Variants in PHF20L1 observed in about 807,000 individuals in gnomAD.
PHF20L1 encodes PHD finger protein 20 like 1, also known as PHD finger protein 20-like protein 1.
PHF20L1 carries 44 observed loss-of-function variants against 125.5 expected under a neutral mutation model. The observed-to-expected ratio is 0.35, with a 90% CI of 0.28 to 0.45. The LOEUF (loss-of-function observed/expected upper bound fraction) is 0.45, where lower values mean the gene tolerates loss of function less well. Ranked by LOEUF, PHF20L1 falls within the 20% of genes least tolerant of loss-of-function variation. The pLI, the probability that PHF20L1 is intolerant of heterozygous loss-of-function variation, is 1.00. For missense variants in PHF20L1, 1,012 were observed against 1,217.2 expected (o/e 0.83, Z 2.51); for synonymous variants, 380 against 403.1 (o/e 0.94, Z 0.69).
intron 15 of PHF20L1, among the ~76,000 whole-genome samples, chr8:132,833,474 C>G (rs941940887): frequency 6.6e-6 from 1 of 152,060 alleles, no homozygotes; most frequent in African/African-American, 2.4e-5. Flanking sequence ...TCTTCACCCC[C>G]GGTGAACCTT....
intron 10 of PHF20L1, chr8:132,816,377 G>C (rs981530815): frequency 6.6e-6 from 1 of 151,020 alleles, no homozygotes; most frequent in Non-Finnish European, 1.5e-5. Flanking sequence ...ACTCCATTTG[G>C]GGGGGATGAT....
intron 14 of PHF20L1, among the ~76,000 whole-genome samples, chr8:132,829,720 T>TAA (rs752688956): frequency 8.9e-4 from 135 of 152,224 alleles, no homozygotes; most frequent in Non-Finnish European, 5.4e-4. Flanking sequence ...ACTTATTTGT[T>TAA]AAGAGTGTAG....
intron 9 of PHF20L1, 107 bp downstream of exon 9, chr8:132,811,235 G>A: frequency 6.6e-7 from 1 of 1,519,330 alleles, no homozygotes; most frequent in Non-Finnish European, 8.8e-7. Flanking sequence ...TATGGGAATA[G>A]GAAGCTAATT....
intron 1 of PHF20L1, among the ~76,000 whole-genome samples, chr8:132,775,979 A>C (rs907408618): frequency 1.3e-5 from 2 of 151,862 alleles, no homozygotes; most frequent in African/African-American, 4.8e-5. Context: ...ATTGCTTTAC[A>C]TTGTCGGTCT....
intron 2 of PHF20L1, among the ~76,000 whole-genome samples, chr8:132,783,194 A>G (rs753289805): frequency 6.6e-6 from 1 of 152,206 alleles, no homozygotes; most frequent in Non-Finnish European, 1.5e-5. Flanking sequence ...CTTTTGGAAT[A>G]TTTCTATTTA....
chr8:132,781,507 C>T (rs1438555149), intron 2 of PHF20L1, among the ~76,000 whole-genome samples: 5 of 152,134 alleles, frequency 3.3e-5, no homozygotes, highest in Non-Finnish European at 5.9e-5. Flanking sequence ...CCGCTCGCTG[C>T]AACCTCCGCC....
chr8:132,825,211 G>A, intron 13 of PHF20L1, 53 bp from the exon 14 acceptor site: 1 of 1,585,416 alleles, frequency 6.3e-7, no homozygotes. Context: ...TAACCACAAA[G>A]GAACAACTCA....
chr8:132,825,522 T>C, intron 14 of PHF20L1, 151 bp downstream of exon 14: 1 of 587,544 alleles, frequency 1.7e-6, no homozygotes, highest in Non-Finnish European at 2.8e-6. Flanking sequence ...TGACATGAAA[T>C]TTCAAAAATA....
At position 132,836,883 on chromosome 8, in the gene PHF20L1, T is replaced by C. The variant is rs536268788; in HGVS notation, c.2091+162T>C. ...TAGTAATGATTAGGAGATTTCCTCA[T>C]TAAGTAAAGTAGACAATGTTCTTAT... On this transcript the variant is annotated intron_variant, in intron 16 of 20. Transcript: ENST00000395386. Among the ~76,000 whole-genome samples, 50 of 152,246 alleles carry C rather than the reference T, an allele frequency of 3.3e-4. 1 individual carries two copies. The South Asian group carries it at 0.01, about 31-fold the overall frequency.
intron 1 of PHF20L1, among the ~76,000 whole-genome samples, chr8:132,777,057 A>G (rs1005566565): frequency 2.6e-5 from 4 of 152,212 alleles, no homozygotes; most frequent in African/African-American, 7.2e-5. Context: ...TTTTATTATC[A>G]ATGTGGACAC....
chr8:132,829,581 T>C (rs1836549251), intron 14 of PHF20L1, among the ~76,000 whole-genome samples: 2 of 152,066 alleles, frequency 1.3e-5, no homozygotes, highest in Admixed American at 6.6e-5. Flanking sequence ...AAGACTGCTG[T>C]AATCTGACAG....
At chr8:132,812,901 T>C in intron 9 of PHF20L1, 1 of 979,964 alleles carries the variant, frequency 1.0e-6, no homozygotes, top group African/African-American at 1.7e-5. Flanking sequence ...TTTTAAAAAT[T>C]CAAACTGTGG....
At chr8:132,802,692 G>C (rs1317838492) in intron 6 of PHF20L1, among the ~76,000 whole-genome samples, 5 of 151,828 alleles carry the variant, frequency 3.3e-5, no homozygotes, top group African/African-American at 1.2e-4. Context: ...ATGAGAGAAA[G>C]AGTTAGAAAT....
chr8:132,776,484 A>G (rs1829786753), intron 1 of PHF20L1, among the ~76,000 whole-genome samples: 1 of 152,190 alleles, frequency 6.6e-6, no homozygotes, highest in African/African-American at 2.4e-5. Flanking sequence ...TGCACCAGCT[A>G]CACCCTGGGC....
intron 15 of PHF20L1, among the ~76,000 whole-genome samples, chr8:132,833,491 A>G (rs922097788): frequency 8.5e-5 from 13 of 152,094 alleles, no homozygotes; most frequent in African/African-American, 2.9e-4. Flanking sequence ...CCTTACAATC[A>G]TTGCTGCGGT....
intron 19 of PHF20L1, chr8:132,843,330 A>G (rs1838117754): frequency 1.0e-6 from 1 of 982,728 alleles, no homozygotes; most frequent in Non-Finnish European, 1.2e-6. Context: ...GTGAATTCTG[A>G]CAGATCTATG....
intron 2 of PHF20L1, among the ~76,000 whole-genome samples, chr8:132,789,878 T>G (rs1831474404): frequency 6.6e-6 from 1 of 152,182 alleles, no homozygotes; most frequent in South Asian, 2.1e-4. Context: ...TGAAGTTGCC[T>G]TCTCTCCATC....
At chr8:132,836,936 T>C (rs1474612620) in intron 16 of PHF20L1, among the ~76,000 whole-genome samples, 2 of 152,142 alleles carry the variant, frequency 1.3e-5, no homozygotes, top group African/African-American at 2.4e-5. Context: ...TTTTCTAGGG[T>C]ATGTAGTTCA....
intron 2 of PHF20L1, among the ~76,000 whole-genome samples, chr8:132,787,764 T>G (rs1402076686): frequency 6.6e-6 from 1 of 152,134 alleles, no homozygotes; most frequent in Admixed American, 6.6e-5. Context: ...AAAACATTTT[T>G]GAAAACTATA....
Sources: allele counts gnomAD v4.1 joint callset (sites outside exome capture counted in the v4.1 genomes callset), GRCh38; gene constraint gnomAD v4.1.1; transcripts MANE v1.5; gene names NCBI Gene and HGNC (gene_info 2026-07-23, HGNC 2026-07-21).